GRIP2: variants seen among roughly 807,000 people sequenced by gnomAD.
GRIP2 encodes glutamate receptor interacting protein 2, also known as glutamate receptor-interacting protein 2.
A neutral mutation model predicts 108.3 loss-of-function variants in GRIP2; 58 were observed. The observed-to-expected ratio is 0.54, with a 90% CI of 0.43 to 0.67. GRIP2 has a LOEUF of 0.67. GRIP2 is among the 30% of genes least tolerant of loss of function. The pLI, the probability that GRIP2 is intolerant of heterozygous loss-of-function variation, is 0.00. For missense variants in GRIP2, 1,278 were observed against 1,430.6 expected (o/e 0.89, Z 1.72); for synonymous variants, 586 against 598.2 (o/e 0.98, Z 0.30).
At position 14,507,627 on chromosome 3, in the gene GRIP2, C is replaced by T. The variant is rs746740144; in HGVS notation, c.2152G>A (p.Glu718Lys). The T allele has an allele frequency of 4.3e-6, 7 of 1,613,904 alleles. No homozygotes were observed. Among genetic ancestry groups the T allele is most frequent in the African/African-American group, 2.7e-5 (2 of 74,928 alleles). Residue 718 changes from glutamate (E) to lysine (K), a missense_variant, in exon 18 of 24, where the codon GAG becomes AAG. Glu to Lys is a moderately conservative substitution (Grantham distance 56, BLOSUM62 1). Coordinates refer to ENST00000621039, the MANE Select transcript of GRIP2 (RefSeq NM_001080423.4). The surrounding 1 kb of genome is among the most constrained non-coding windows in gnomAD (Gnocchi z 4.6). The stretch of plus-strand genomic sequence containing the variant: ...GCCACCTGCAGGAGGTGGATGGCCT[C>T]GCTCAGCGGCCGGCCCTTGAGGCTA... ...NVSLKGRPLS[E>K]AIHLLQVAGE...
chr3:14,551,066 G>A (rs1695139407), intron 1 of GRIP2, among the ~76,000 whole-genome samples: 1 of 152,188 alleles, frequency 6.6e-6, no homozygotes, highest in South Asian at 2.1e-4. Flanking sequence ...GGGAGAGCAG[G>A]GCTGGGGGCC....
the GRIP2 span, among the ~76,000 whole-genome samples, chr3:14,561,679 C>G: frequency 2.6e-5 from 4 of 152,228 alleles, no homozygotes; most frequent in African/African-American, 9.6e-5. Flanking sequence ...GCCTGCTTCC[C>G]GAAACAAATT....
chr3:14,505,803 G>A lies in GRIP2; in HGVS notation c.2399-14C>T. 1.3e-6 allele frequency: 2 copies of A among 1,502,510 alleles called. No homozygotes were observed. Among genetic ancestry groups the A allele is most frequent in the South Asian group, 2.7e-5 (2 of 73,202 alleles). The allele number at this position is 1,502,510 out of a possible 1,614,324, so 93.1% of individuals were successfully genotyped here. On this transcript the variant is annotated splice_polypyrimidine_tract_variant and intron_variant, in intron 19 of 23. Transcript: ENST00000621039. The surrounding 1 kb of genome is among the most constrained non-coding windows in gnomAD (Gnocchi z 4.2). The stretch of plus-strand genomic sequence containing the variant: ...GTGTATAGGACCCTGGTGGTGGAGA[G>A]AGGGCCTCTGTGTTCCCTGCGGCCT...
chr3:14,565,230 G>A, the GRIP2 span, among the ~76,000 whole-genome samples: 7 of 152,354 alleles, frequency 4.6e-5, no homozygotes, highest in African/African-American at 1.7e-4. Context: ...TACCCTTGGG[G>A]AGACAGTGTT....
At chr3:14,600,766 A>T in the GRIP2 span, among the ~76,000 whole-genome samples, 1 of 152,328 alleles carries the variant, frequency 6.6e-6, no homozygotes, top group East Asian at 1.9e-4. Context: ...TTTTTAAAAT[A>T]GTAATTTCCT....
Position 14,521,557 on chromosome 3 carries a change from G to A in GRIP2, c.712+85C>T, listed in dbSNP as rs1463163528. 2.8e-6 allele frequency: 4 copies of A among 1,406,454 alleles called. No individual in the cohort carries two copies. The highest frequency in any genetic ancestry group is 5.1e-5 in the East Asian group (2 of 39,584). 87.1% of individuals were successfully genotyped at this position (1,406,454 alleles called of 1,614,324 possible). A position where few individuals can be genotyped will look rare whatever the true frequency, so the allele number is the denominator to read the frequency against. The stretch of plus-strand genomic sequence containing the variant: ...GTCATAAGGTCATGCAGCCTTTGCA[G>A]TGGTAAAGATCCATGGCCACTGCCA... On this transcript the variant is annotated intron_variant, in intron 7 of 23. Transcript: ENST00000621039. This position sits in a 1 kb window ranked among gnomAD's most constrained non-coding sequence, Gnocchi z 5.1.
chr3:14,534,845 T>C (rs1322085599), intron 1 of GRIP2, among the ~76,000 whole-genome samples: 4 of 152,200 alleles, frequency 2.6e-5, no homozygotes, highest in African/African-American at 4.8e-5. Flanking sequence ...CAGGGGGCTA[T>C]TGAGCTTTGA....
At chr3:14,591,273 C>T in the GRIP2 span, among the ~76,000 whole-genome samples, 1 of 152,226 alleles carries the variant, frequency 6.6e-6, no homozygotes, top group Non-Finnish European at 1.5e-5. Context: ...AGTGCCCGCC[C>T]CATCACTCCT....
chr3:14,521,998 G>A lies in GRIP2; in HGVS notation c.567-211C>T, dbSNP rs890986425. On this transcript the variant is annotated intron_variant, in intron 6 of 23. Transcript: ENST00000621039. The surrounding 1 kb of genome is among the most constrained non-coding windows in gnomAD (Gnocchi z 5.1). ...GAGCTGCATAAAGCAAGGGGGGGAT[G>A]AAGACAGGATGGGGTGGCTCTGCCG... 9 of 548,242 alleles carry A rather than the reference G, an allele frequency of 1.6e-5. No individual in the cohort carries two copies. The highest frequency in any genetic ancestry group is 2.9e-5 in the Non-Finnish European group (9 of 313,056). The allele number at this position is 548,242 out of a possible 1,614,324, so 34.0% of individuals were successfully genotyped here.
intron 21 of GRIP2, among the ~76,000 whole-genome samples, chr3:14,498,921 C>T (rs1350194797): frequency 2.0e-5 from 3 of 152,136 alleles, no homozygotes; most frequent in Non-Finnish European, 2.9e-5. Flanking sequence ...GAGACATACG[C>T]GTTTGGAGCT....
At chr3:14,579,325 A>G in the GRIP2 span, among the ~76,000 whole-genome samples, 2 of 152,214 alleles carry the variant, frequency 1.3e-5, no homozygotes, top group African/African-American at 4.8e-5. Flanking sequence ...GTTGGTGGCT[A>G]CATAAAAATG....
chr3:14,576,086 G>A, the GRIP2 span, among the ~76,000 whole-genome samples: 1 of 152,262 alleles, frequency 6.6e-6, no homozygotes, highest in African/African-American at 2.4e-5. Context: ...TGGATCAGGG[G>A]CGTGGTGAGA....
chr3:14,525,872 A>G lies in GRIP2; in HGVS notation c.100T>C (p.Cys34Arg). 2 of 1,559,868 alleles carry G rather than the reference A, an allele frequency of 1.3e-6. No individual in the cohort carries two copies. The highest frequency in any genetic ancestry group is 2.4e-5 in the South Asian group (2 of 84,440). ...DAGGADVSLACRRQSIPEEFR... is the reference protein window; with the variant it reads ...DAGGADVSLARRRQSIPEEFR... ...TTACCTGGAATGCTCTGTCTGCGGC[A>G]CGCCAGGGAAACGTCGGCCCCTCCT... is the stretch of plus-strand genomic sequence containing the variant. The change falls in exon 2 of 24, where the codon TGC becomes CGC. Residue 34 changes from cysteine to arginine, a missense_variant. Physicochemically the swap from Cys to Arg is radical, Grantham distance 180. Coordinates refer to ENST00000621039, the MANE Select transcript of GRIP2 (RefSeq NM_001080423.4).
the GRIP2 span, among the ~76,000 whole-genome samples, chr3:14,567,312 T>C: frequency 6.6e-6 from 1 of 152,146 alleles, no homozygotes; most frequent in Non-Finnish European, 1.5e-5. Flanking sequence ...GAATCTTGGC[T>C]ACAAGTCATT....
chr3:14,590,912 A>G, the GRIP2 span, among the ~76,000 whole-genome samples: 1 of 152,230 alleles, frequency 6.6e-6, no homozygotes, highest in Non-Finnish European at 1.5e-5. Flanking sequence ...GTTCTACTCC[A>G]TTGAAAACTT....
chr3:14,561,301 G>C, the GRIP2 span, among the ~76,000 whole-genome samples: 1 of 152,236 alleles, frequency 6.6e-6, no homozygotes, highest in Non-Finnish European at 1.5e-5. Context: ...TCTGAATTCA[G>C]GCCCCAGCCA....
At chr3:14,544,878 C>T (rs993800504), upstream of GRIP2, among the ~76,000 whole-genome samples, 4 of 152,202 alleles carry the variant, frequency 2.6e-5, no homozygotes, top group Admixed American at 6.5e-5. Context: ...TCTTAGGGGG[C>T]GCTGTTTGGT....
chr3:14,574,775 G>A, the GRIP2 span: 2 of 380,922 alleles, frequency 5.3e-6, no homozygotes, highest in African/African-American at 2.1e-5. Context: ...AGCTCATCTT[G>A]GCCACCAACT....
Position 14,506,895 on chromosome 3 carries a change from C to T in GRIP2, c.2304G>A (p.Leu768=). ...CAGCCGGCGAGAAGCGGGCTGCTGG[C>T]AGGCCTCCTTTCAGGGCATCTGCTG... ...EDPADALKGG[L]PAARFSPAVP... is the part of the protein sequence containing the mutation. Residue 768 remains leucine, a synonymous_variant, in exon 19 of 24, where the codon CTG becomes CTA. Transcript: ENST00000621039. 1.9e-6 allele frequency: 3 copies of T among 1,606,716 alleles called. No homozygotes were observed. Among genetic ancestry groups the T allele is most frequent in the Non-Finnish European group, 2.5e-6 (3 of 1,176,738 alleles).
Sources: gnomAD v4.1 joint callset for allele counts (sites outside exome capture counted in the v4.1 genomes callset) on GRCh38, gnomAD v4.1.1 for gene constraint, Gnocchi (gnomAD v3.1) non-coding constraint, MANE v1.5 for transcripts, NCBI Gene and HGNC (gene_info 2026-07-23, HGNC 2026-07-21) for gene names.